The following FAT3 variants were observed in gnomAD, a reference collection of about 807,000 sequenced individuals.
FAT3 encodes the protein protocadherin Fat 3.
FAT3 carries 95 observed loss-of-function variants against 310.2 expected under a neutral mutation model. The ratio of observed to expected loss-of-function variants is 0.31; its 90% CI spans 0.26 to 0.36. The LOEUF is 0.36. Among genes scored for constraint, FAT3 ranks in the 10% least tolerant of loss-of-function variants. The pLI is 1.00. For missense variants in FAT3, 5,408 were observed against 5,715.6 expected (o/e 0.95, Z 1.74); for synonymous variants, 2,314 against 2,192.9 (o/e 1.06, Z -1.54).
intron 1 of FAT3, among the ~76,000 whole-genome samples, chr11:92,331,500 G>A (rs957223403): frequency 1.3e-5 from 2 of 152,044 alleles, no homozygotes; most frequent in African/African-American, 4.8e-5. Flanking sequence ...TGTTATTTTA[G>A]CAGTAAACCC....
At chr11:92,344,224 T>C (rs1219244244) in intron 1 of FAT3, among the ~76,000 whole-genome samples, 1 of 152,194 alleles carries the variant, frequency 6.6e-6, no homozygotes, top group Non-Finnish European at 1.5e-5. Flanking sequence ...TCCCAACATA[T>C]CAAATGGAAA....
chr11:92,284,000 A>G (rs1469986788), intron 1 of FAT3, among the ~76,000 whole-genome samples: 1 of 152,006 alleles, frequency 6.6e-6, no homozygotes, highest in Non-Finnish European at 1.5e-5. Flanking sequence ...TTCTATATTT[A>G]TGTGTTTCTG....
chr11:92,705,385 G>T (rs1475690937), intron 4 of FAT3, among the ~76,000 whole-genome samples: 3 of 123,754 alleles, frequency 2.4e-5, no homozygotes, highest in Admixed American at 8.2e-5. Flanking sequence ...GGTGTTGGTG[G>T]TGGTGGTGGT....
At chr11:92,870,879 G>A (rs1026927271) in intron 22 of FAT3, among the ~76,000 whole-genome samples, 1 of 152,118 alleles carries the variant, frequency 6.6e-6, no homozygotes, top group African/African-American at 2.4e-5. Flanking sequence ...TATGCCCTGG[G>A]ACATTTAATT....
chr11:92,482,529 A>C (rs1256582167), intron 2 of FAT3, among the ~76,000 whole-genome samples: 1 of 152,104 alleles, frequency 6.6e-6, no homozygotes, highest in Non-Finnish European at 1.5e-5. Context: ...CTAAATCCAG[A>C]CTCCAACACA....
intron 3 of FAT3, among the ~76,000 whole-genome samples, chr11:92,605,674 GAT>G (rs2135600140): frequency 6.8e-6 from 1 of 146,608 alleles, no homozygotes; most frequent in South Asian, 2.2e-4. Flanking sequence ...TACTCTTACA[GAT>G]ATCACAAAAT....
intron 3 of FAT3, among the ~76,000 whole-genome samples, chr11:92,594,908 G>A (rs1178113682): frequency 6.6e-6 from 1 of 151,966 alleles, no homozygotes; most frequent in Non-Finnish European, 1.5e-5. Context: ...AAAATGTATA[G>A]TATGGTTAGC....
chr11:92,674,194 T>TAAC (rs1238004989), intron 3 of FAT3, among the ~76,000 whole-genome samples: 21 of 144,588 alleles, frequency 1.5e-4, no homozygotes, highest in African/African-American at 2.6e-5. Flanking sequence ...ATAATAATAA[T>TAAC]AATAATAATA....
At chr11:92,350,169 G>A (rs1053527870) in intron 1 of FAT3, among the ~76,000 whole-genome samples, 1 of 151,800 alleles carries the variant, frequency 6.6e-6, no homozygotes, top group Non-Finnish European at 1.5e-5. Flanking sequence ...GGAGAAAGGA[G>A]GTATTCAACA....
chr11:92,700,904 C>CT (rs1304786128), intron 4 of FAT3, among the ~76,000 whole-genome samples: 1 of 151,914 alleles, frequency 6.6e-6, no homozygotes, highest in Non-Finnish European at 1.5e-5. Flanking sequence ...TTGAACATTT[C>CT]TTTTTTTTCC....
intron 1 of FAT3, among the ~76,000 whole-genome samples, chr11:92,343,756 C>T (rs1397403272): frequency 6.6e-6 from 1 of 152,102 alleles, no homozygotes; most frequent in African/African-American, 2.4e-5. Flanking sequence ...ACAGTTTCTT[C>T]AGGGATGACA....
intron 2 of FAT3, among the ~76,000 whole-genome samples, chr11:92,517,022 G>T (rs192967160): frequency 3.9e-4 from 59 of 152,316 alleles, no homozygotes; most frequent in African/African-American, 1.4e-3. Context: ...CTCATGGATA[G>T]GAAGAATAAA....
intron 3 of FAT3, among the ~76,000 whole-genome samples, chr11:92,601,823 G>C (rs1940042062): frequency 6.6e-6 from 1 of 152,022 alleles, no homozygotes; most frequent in Admixed American, 6.6e-5. Flanking sequence ...TCGTTCCAAG[G>C]CTTGATTCCC....
At chr11:92,292,583 T>G (rs1254864428) in intron 1 of FAT3, among the ~76,000 whole-genome samples, 2 of 152,114 alleles carry the variant, frequency 1.3e-5, no homozygotes, top group East Asian at 3.9e-4. Flanking sequence ...TCCCTGCATA[T>G]TTTTGTGATA....
intron 1 of FAT3, among the ~76,000 whole-genome samples, chr11:92,350,519 G>A (rs1591150165): frequency 6.6e-6 from 1 of 152,000 alleles, no homozygotes; most frequent in Admixed American, 6.6e-5. Flanking sequence ...ATGCTTCTAG[G>A]ATCCTTAATT....
At chr11:92,685,037 C>T (rs542768097) in intron 3 of FAT3, among the ~76,000 whole-genome samples, 113 of 152,296 alleles carry the variant, frequency 7.4e-4, no homozygotes, top group African/African-American at 2.6e-3. Flanking sequence ...TCGTGGGGTG[C>T]TTGGTGGACC....
intron 2 of FAT3, among the ~76,000 whole-genome samples, chr11:92,491,086 G>A (rs76258715): frequency 0.011 from 1,641 of 152,038 alleles, 28 homozygotes; most frequent in African/African-American, 0.036. Context: ...AAATCTTAAC[G>A]TTTCCCTATG....
intron 2 of FAT3, among the ~76,000 whole-genome samples, chr11:92,485,109 C>CA (rs1167764852): frequency 2.2e-4 from 33 of 152,306 alleles, no homozygotes; most frequent in Admixed American, 1.2e-3. Context: ...TTGTTGACTT[C>CA]AAATCAAACA....
At chr11:92,361,715 A>G (rs1188036221) in intron 2 of FAT3, among the ~76,000 whole-genome samples, 3 of 152,200 alleles carry the variant, frequency 2.0e-5, no homozygotes, top group African/African-American at 7.2e-5. Flanking sequence ...CACTCCTCCA[A>G]CAGGGGAAAG....
Sources: allele counts gnomAD v4.1 joint callset (sites outside exome capture counted in the v4.1 genomes callset), GRCh38; gene constraint gnomAD v4.1.1; transcripts MANE v1.5; gene names NCBI Gene and HGNC (gene_info 2026-07-23, HGNC 2026-07-21).